Variants in NRXN1 observed in about 807,000 individuals in gnomAD.
NRXN1 encodes the protein neurexin-1.
A neutral mutation model predicts 150.9 loss-of-function variants in NRXN1; 39 were observed. The ratio of observed to expected loss-of-function variants is 0.26; its 90% CI spans 0.20 to 0.34. The LOEUF (loss-of-function observed/expected upper bound fraction) is 0.34. NRXN1 is among the 10% of genes least tolerant of loss of function. The probability of loss-of-function intolerance (pLI) is 1.00; values close to 1 mark genes in which losing one functional copy is unlikely to be tolerated. For missense variants in NRXN1, 1,815 were observed against 1,949.9 expected (o/e 0.93, Z 1.30); for synonymous variants, 924 against 757.0 (o/e 1.22, Z -3.62).
intron 17 of NRXN1, among the ~76,000 whole-genome samples, chr2:50,451,691 A>G (rs936199666): frequency 5.3e-5 from 8 of 152,218 alleles, no homozygotes; most frequent in Admixed American, 2.0e-4. Context: ...CAATACTGAG[A>G]TATTTCATAA....
At chr2:50,828,325 A>C (rs1453496025) in intron 5 of NRXN1, among the ~76,000 whole-genome samples, 3 of 133,290 alleles carry the variant, frequency 2.3e-5, no homozygotes, top group East Asian at 2.4e-4. Flanking sequence ...AGGGGGCTGA[A>C]CCCCCCGCCT....
At chr2:49,930,342 T>C (rs548188182) in intron 22 of NRXN1, among the ~76,000 whole-genome samples, 6 of 152,260 alleles carry the variant, frequency 3.9e-5, no homozygotes, top group Admixed American at 2.0e-4. Context: ...ATATCTGTAG[T>C]ACATATGACG....
chr2:50,209,509 AG>A (rs963761546), intron 18 of NRXN1, among the ~76,000 whole-genome samples: 1 of 152,254 alleles, frequency 6.6e-6, no homozygotes, highest in Non-Finnish European at 1.5e-5. Context: ...AAAACTGTAA[AG>A]GTGGAAATAA....
chr2:50,213,715 T>G (rs201597499), intron 18 of NRXN1, among the ~76,000 whole-genome samples: 20,536 of 151,790 alleles, frequency 0.14, 1,612 homozygotes, highest in African/African-American at 0.21. Context: ...CAAAGAATCT[T>G]GTTTGGACTC....
intron 17 of NRXN1, among the ~76,000 whole-genome samples, chr2:50,246,387 T>C (rs2066506209): frequency 6.6e-6 from 1 of 152,044 alleles, no homozygotes; most frequent in African/African-American, 2.4e-5. Flanking sequence ...TTTTGAATTA[T>C]TTGCATCGCA....
intron 17 of NRXN1, among the ~76,000 whole-genome samples, chr2:50,252,529 G>C (rs1451617429): frequency 1.3e-5 from 2 of 151,988 alleles, no homozygotes; most frequent in African/African-American, 2.4e-5. Context: ...AAAGTGCTGA[G>C]ATTACAGGTG....
At chr2:50,762,122 TACACACAC>T (rs35059030) in intron 5 of NRXN1, among the ~76,000 whole-genome samples, 19 of 145,944 alleles carry the variant, frequency 1.3e-4, no homozygotes, top group South Asian at 6.7e-4. Flanking sequence ...TATATGTGTA[TACACACAC>T]ACACACACAC....
chr2:50,171,722 T>C (rs1411196530), intron 18 of NRXN1, among the ~76,000 whole-genome samples: 1 of 152,146 alleles, frequency 6.6e-6, no homozygotes, highest in Non-Finnish European at 1.5e-5. Context: ...AAAGAAATGA[T>C]CCGAGGACCA....
intron 18 of NRXN1, among the ~76,000 whole-genome samples, chr2:50,231,333 T>C (rs1194350744): frequency 2.0e-5 from 3 of 152,034 alleles, no homozygotes; most frequent in African/African-American, 7.2e-5. Context: ...CAAATCTTAA[T>C]AGACCAGCAA....
chr2:50,263,116 T>A (rs145411702), intron 17 of NRXN1, among the ~76,000 whole-genome samples: 1 of 151,502 alleles, frequency 6.6e-6, no homozygotes, highest in Non-Finnish European at 1.5e-5. Context: ...GGAGACTACA[T>A]GGCAAGGTGA....
chr2:50,307,691 T>C (rs2074758582), intron 17 of NRXN1, among the ~76,000 whole-genome samples: 1 of 152,138 alleles, frequency 6.6e-6, no homozygotes, highest in Non-Finnish European at 1.5e-5. Context: ...AAGTGACTAT[T>C]TTCATGACTC....
At chr2:50,934,615 T>C (rs902597722) in intron 2 of NRXN1, among the ~76,000 whole-genome samples, 32 of 152,202 alleles carry the variant, frequency 2.1e-4, no homozygotes, top group Admixed American at 6.6e-4. Context: ...ATAAGTTCTA[T>C]TGAGCGGTAT....
intron 13 of NRXN1, among the ~76,000 whole-genome samples, chr2:50,503,613 T>A (rs547991221): frequency 3.9e-5 from 6 of 152,202 alleles, no homozygotes; most frequent in African/African-American, 1.4e-4. Flanking sequence ...GAAGAGCCCT[T>A]GCTTACAGCA....
At chr2:50,448,515 A>G (rs903265085) in intron 17 of NRXN1, among the ~76,000 whole-genome samples, 1 of 152,190 alleles carries the variant, frequency 6.6e-6, no homozygotes, top group Non-Finnish European at 1.5e-5. Context: ...GTCACTAGGA[A>G]ACGTGAAAGG....
intron 21 of NRXN1, among the ~76,000 whole-genome samples, chr2:49,977,400 G>T (rs1679173701): frequency 6.6e-6 from 1 of 152,134 alleles, no homozygotes; most frequent in African/African-American, 2.4e-5. Context: ...TAATGTACAG[G>T]ACAGTCCCTA....
chr2:50,222,563 G>A (rs2063979600), intron 18 of NRXN1, among the ~76,000 whole-genome samples: 1 of 151,712 alleles, frequency 6.6e-6, no homozygotes, highest in African/African-American at 2.4e-5. Context: ...CATGTGAAAC[G>A]ATATTTTTAC....
At chr2:50,906,453 C>G (rs1280866314) in intron 5 of NRXN1, among the ~76,000 whole-genome samples, 1 of 152,110 alleles carries the variant, frequency 6.6e-6, no homozygotes, top group Admixed American at 6.6e-5. Flanking sequence ...TAGCACATAT[C>G]AAATCTATTA....
chr2:50,902,168 A>G (rs1454293980), intron 5 of NRXN1, among the ~76,000 whole-genome samples: 1 of 152,216 alleles, frequency 6.6e-6, no homozygotes, highest in African/African-American at 2.4e-5. Context: ...AATATCATTA[A>G]TTCACTCATC....
chr2:50,777,593 T>A (rs541980630), intron 5 of NRXN1, among the ~76,000 whole-genome samples: 2 of 152,138 alleles, frequency 1.3e-5, no homozygotes, highest in Non-Finnish European at 2.9e-5. Context: ...CCATTTTACA[T>A]CCAATGTGTC....
Sources: gnomAD v4.1 joint callset for allele counts (sites outside exome capture counted in the v4.1 genomes callset) on GRCh38, gnomAD v4.1.1 for gene constraint, MANE v1.5 for transcripts, NCBI Gene and HGNC (gene_info 2026-07-23, HGNC 2026-07-21) for gene names.